Variants in SPATA16 observed in about 807,000 individuals in gnomAD.
SPATA16 encodes spermatogenesis-associated protein 16.
A neutral mutation model predicts 63.3 loss-of-function variants in SPATA16; 36 were observed. That is an observed-to-expected ratio of 0.57 (90% CI 0.44 to 0.75). SPATA16 has a LOEUF of 0.75. Among genes scored for constraint, SPATA16 ranks in the 30% least tolerant of loss-of-function variants. SPATA16 has a pLI of 0.00. For synonymous variants in SPATA16, 203 were observed against 216.7 expected (o/e 0.94, Z 0.56); for missense variants, 646 against 679.3 (o/e 0.95, Z 0.54).
chr3:172,955,724 G>A (rs2108233902), intron 6 of SPATA16, among the ~76,000 whole-genome samples: 1 of 152,270 alleles, frequency 6.6e-6, no homozygotes, highest in African/African-American at 2.4e-5. Flanking sequence ...TAGCTTGATG[G>A]CATGTTCACG....
intron 2 of SPATA16, among the ~76,000 whole-genome samples, chr3:173,070,351 T>C (rs1490585941): frequency 1.4e-5 from 2 of 147,868 alleles, no homozygotes; most frequent in African/African-American, 5.0e-5. Context: ...GCTAAGAGCA[T>C]GTCAATGCAT....
intron 10 of SPATA16, among the ~76,000 whole-genome samples, chr3:172,894,563 T>C (rs1017094282): frequency 6.6e-6 from 1 of 152,032 alleles, no homozygotes; most frequent in African/African-American, 2.4e-5. Flanking sequence ...TTTCAGTATA[T>C]TTAATATAGA....
intron 4 of SPATA16, among the ~76,000 whole-genome samples, chr3:172,991,187 G>A (rs1317862781): frequency 1.3e-5 from 2 of 152,100 alleles, no homozygotes; most frequent in East Asian, 3.9e-4. Context: ...GATAAATTAT[G>A]TGAACGCCTA....
chr3:173,100,875 A>C (rs1231593945), intron 2 of SPATA16, among the ~76,000 whole-genome samples: 1 of 152,210 alleles, frequency 6.6e-6, no homozygotes, highest in African/African-American at 2.4e-5. Flanking sequence ...CAACAACAAG[A>C]GAAAAATTCA....
chr3:173,134,372 C>T (rs988302448), intron 1 of SPATA16, among the ~76,000 whole-genome samples: 22 of 151,866 alleles, frequency 1.4e-4, no homozygotes, highest in African/African-American at 3.6e-4. Context: ...TCTTGTAATC[C>T]CAGCTACTCA....
intron 3 of SPATA16, among the ~76,000 whole-genome samples, chr3:173,032,738 G>A (rs1235453559): frequency 2.0e-5 from 3 of 151,828 alleles, no homozygotes; most frequent in Admixed American, 1.3e-4. Flanking sequence ...ACATTTCTTC[G>A]ACTTTCTTAC....
intron 2 of SPATA16, among the ~76,000 whole-genome samples, chr3:173,054,869 A>T (rs886902910): frequency 2.0e-5 from 3 of 152,200 alleles, no homozygotes; most frequent in Non-Finnish European, 4.4e-5. Context: ...ATCCTGGGCT[A>T]TAAAACAAAC....
chr3:172,955,378 C>T (rs1733544687), intron 6 of SPATA16, among the ~76,000 whole-genome samples: 1 of 152,166 alleles, frequency 6.6e-6, no homozygotes, highest in South Asian at 2.1e-4. Flanking sequence ...TGCTAGCATA[C>T]ACCCTCCAAA....
chr3:173,109,401 C>T (rs957459804), intron 2 of SPATA16, among the ~76,000 whole-genome samples: 4 of 152,118 alleles, frequency 2.6e-5, no homozygotes, highest in Non-Finnish European at 5.9e-5. Context: ...AGCACAGCCA[C>T]GACCATGTGG....
rs376628787 is a variant in SPATA16, at chr3:172,893,904, C to T, written c.1588-4212G>A. On this transcript the variant is annotated intron_variant, in intron 10 of 10. Coordinates refer to ENST00000351008, the MANE Select transcript of SPATA16 (RefSeq NM_031955.6). ...GATTAGGTGTGTTTATATGGGTTTG[C>T]TTGCGCATGTTCATGCCTTAGGAAT... 6.6e-5 allele frequency among the ~76,000 whole-genome samples: 10 copies of T among 152,238 alleles called. 1 individual carries two copies. The highest frequency in any genetic ancestry group is 2.1e-4 in the South Asian group (1 of 4,822).
chr3:173,112,135 A>G (rs1737764783), intron 2 of SPATA16, among the ~76,000 whole-genome samples: 2 of 152,190 alleles, frequency 1.3e-5, no homozygotes, highest in Non-Finnish European at 2.9e-5. Flanking sequence ...CCCCCTACAC[A>G]CACTTAAAAC....
At chr3:172,993,609 A>G (rs936272189) in intron 4 of SPATA16, among the ~76,000 whole-genome samples, 1 of 152,214 alleles carries the variant, frequency 6.6e-6, no homozygotes, top group African/African-American at 2.4e-5. Context: ...GCTTCTGATT[A>G]TAATCTTCCT....
At chr3:173,053,095 C>T (rs1425784297) in intron 2 of SPATA16, among the ~76,000 whole-genome samples, 2 of 152,122 alleles carry the variant, frequency 1.3e-5, no homozygotes, top group Non-Finnish European at 2.9e-5. Context: ...GTGCCTCATC[C>T]CTGTAATACC....
chr3:173,058,151 T>C (rs1736293381), intron 2 of SPATA16, among the ~76,000 whole-genome samples: 1 of 152,192 alleles, frequency 6.6e-6, no homozygotes, highest in Non-Finnish European at 1.5e-5. Context: ...ATGGTATTGT[T>C]ATCCATACTA....
chr3:173,066,916 T>C (rs1293403517), intron 2 of SPATA16, among the ~76,000 whole-genome samples: 1 of 152,068 alleles, frequency 6.6e-6, no homozygotes, highest in Non-Finnish European at 1.5e-5. Flanking sequence ...AAATGAACTT[T>C]AAGATAACAC....
intron 2 of SPATA16, among the ~76,000 whole-genome samples, chr3:173,082,646 T>A (rs1480655125): frequency 6.6e-6 from 1 of 152,014 alleles, no homozygotes; most frequent in Non-Finnish European, 1.5e-5. Flanking sequence ...CCCCCAGAGG[T>A]GGGTCTAATG....
chr3:172,891,425 G>A (rs1577079241), intron 10 of SPATA16, among the ~76,000 whole-genome samples: 1 of 152,278 alleles, frequency 6.6e-6, no homozygotes, highest in Non-Finnish European at 1.5e-5. Context: ...AACTGGGCAG[G>A]TCCAGAGCAC....
chr3:173,030,100 AT>A (rs1735568576), intron 3 of SPATA16, among the ~76,000 whole-genome samples: 1 of 148,752 alleles, frequency 6.7e-6, no homozygotes, highest in Non-Finnish European at 1.5e-5. Context: ...CTATCTATCT[AT>A]CTACCCACCC....
At chr3:172,972,551 A>G (rs893032888) in intron 5 of SPATA16, among the ~76,000 whole-genome samples, 56 of 152,194 alleles carry the variant, frequency 3.7e-4, no homozygotes, top group African/African-American at 1.2e-3. Flanking sequence ...TTCTTAGAAT[A>G]ATTTGATGGT....
Sources: allele counts gnomAD v4.1 joint callset (sites outside exome capture counted in the v4.1 genomes callset), GRCh38; gene constraint gnomAD v4.1.1; transcripts MANE v1.5; gene names NCBI Gene and HGNC (gene_info 2026-07-23, HGNC 2026-07-21).